The following PKD1 variants were observed in gnomAD, a reference collection of about 807,000 sequenced individuals.
The protein encoded by PKD1 is polycystin 1, transient receptor potential channel interacting.
PKD1 carries 81 observed loss-of-function variants against 361.7 expected under a neutral mutation model. The observed-to-expected ratio is 0.22, with a 90% CI of 0.19 to 0.27. The LOEUF is 0.27. PKD1 is among the 10% of genes least tolerant of loss of function. PKD1 has a pLI of 1.00. For missense variants in PKD1, 6,399 were observed against 6,118.3 expected, an observed-to-expected ratio of 1.05 and a Z score of -1.53; for synonymous variants, 3,615 against 2,818.3, an observed-to-expected ratio of 1.28 and a Z score of -8.95.
At position 2,102,799 on chromosome 16, in the gene PKD1, G is replaced by A. The variant is rs778271516; in HGVS notation, c.8948+15C>T. ...TGCCCTGCCCTGCCCTGCCAGGCTG[G>A]CCCGCAGAGCTCACCCCGGGGAAAT... is the stretch of plus-strand genomic sequence containing the variant. On this transcript the variant is annotated intron_variant, in intron 24 of 45. Transcript: ENST00000262304. 18 of 1,609,820 alleles carry A rather than the reference G, an allele frequency of 1.1e-5. No individual in the cohort carries two copies. The highest frequency in any genetic ancestry group is 1.4e-5 in the Non-Finnish European group (17 of 1,179,670).
chr16:2,091,643 G>A, intron 41 of PKD1, 46 bp from the exon 42 acceptor site: 10 of 1,557,394 alleles, frequency 6.4e-6, no homozygotes, highest in Non-Finnish European at 8.6e-6. Flanking sequence ...CAGGGCGGGA[G>A]CTGCGGGGAC....
At position 2,100,107 on chromosome 16, in the gene PKD1, C is replaced by T. The variant is rs558030334; in HGVS notation, c.9713-36G>A. 128 of 1,602,724 alleles carry T rather than the reference C, an allele frequency of 8.0e-5. No homozygotes were observed. The highest frequency in any genetic ancestry group is 6.9e-4 in the East Asian group (31 of 44,686). Reference sequence around the variant, plus strand: ...GGGAGGGCCGCACTGCAGGAGGCCACGGGGCAGGACCACCCTGCCCAACCT... The same window carrying T: ...GGGAGGGCCGCACTGCAGGAGGCCATGGGGCAGGACCACCCTGCCCAACCT... On this transcript the variant is annotated intron_variant, in intron 28 of 45. Transcript: ENST00000262304. This position sits in a 1 kb window ranked among gnomAD's most constrained non-coding sequence, Gnocchi z 4.4.
rs1174001173 is a variant in PKD1 at position 2,100,064 on chromosome 16, T to C, written c.9720A>G (p.Ala3240=). ...VEKEVLAASD[A]ALLRFRRLLV... ...GCAGGCGCCGGAAGCGCAAAAGGGC[T>C]GCGTCGCCTAGAAGGCAGGGAGGGC... Residue 3240 remains alanine (A), a synonymous_variant, in exon 29 of 46, where the codon GCA becomes GCG. Coordinates refer to ENST00000262304, the MANE Select transcript of PKD1 (RefSeq NM_001009944.3). This position sits in a 1 kb window ranked among gnomAD's most constrained non-coding sequence, Gnocchi z 4.4. The C allele has an allele frequency of 5.0e-6, 8 of 1,599,560 alleles. No individual in the cohort carries two copies. In the Admixed American group the frequency reaches 5.2e-5, roughly 10 times the overall value.
chr16:2,106,005 G>A lies in PKD1; in HGVS notation c.7723C>T (p.Pro2575Ser). Residue 2575 changes from proline to serine, a missense_variant, in exon 20 of 46, where the codon CCA becomes TCA. Physicochemically the swap from Pro to Ser is moderately conservative, Grantham distance 74. Transcript: ENST00000262304. The surrounding 1 kb of genome is among the most constrained non-coding windows in gnomAD (Gnocchi z 6.5). ...ALNRSLAITLPEPNGSATGLT... is the reference protein window; with the variant it reads ...ALNRSLAITLSEPNGSATGLT... ...CCCGTTGCGCTGCCGTTGGGCTCTG[G>A]GAGGGTGATGGCCAAAGACCTACGA... 6.2e-7 allele frequency: 1 copy of A among 1,605,526 alleles called. No individual in the cohort carries two copies. Among genetic ancestry groups the A allele is most frequent in the Admixed American group, 1.7e-5 (1 of 59,990 alleles).
intron 42 of PKD1, 24 bp from the exon 43 acceptor site, chr16:2,091,198 G>C: frequency 7.4e-7 from 1 of 1,354,338 alleles, no homozygotes; most frequent in Non-Finnish European, 9.5e-7. Flanking sequence ...GGTCAGGAGG[G>C]CGGGAGGGAC....
chr16:2,111,394 G>C lies in PKD1; in HGVS notation c.3773C>G (p.Ala1258Gly). ...GDGTVLSGPE[A>G]TVEHVYLRAQ... Reference sequence around the variant, plus strand: ...CCGCAGGTACACATGCTCCACTGTTGCCTCCGGGCCCGACAGCACGGTGCC... The same window carrying C: ...CCGCAGGTACACATGCTCCACTGTTCCCTCCGGGCCCGACAGCACGGTGCC... Residue 1258 changes from alanine (A) to glycine (G), a missense_variant, in exon 15 of 46, where the codon GCA (alanine) becomes GGA (glycine). Physicochemically the swap from Ala to Gly is moderately conservative, Grantham distance 60 (BLOSUM62 0). Transcript: ENST00000262304. The C allele has an allele frequency of 6.2e-7, 1 of 1,611,530 alleles. No individual in the cohort carries two copies. Among genetic ancestry groups the C allele is most frequent in the Non-Finnish European group, 8.5e-7 (1 of 1,179,556 alleles).
In PKD1 at chr16:2,108,714, C is replaced by T. The variant is rs2092424344; in HGVS notation, c.6453G>A (p.Val2151=). The change falls in exon 15 of 46, where the codon GTG becomes GTA. Residue 2151 remains valine, a synonymous_variant. Coordinates refer to ENST00000262304, the MANE Select transcript of PKD1 (RefSeq NM_001009944.3). ...GCACCTGCAGGGGCAGGACCACGTC[C>T]ACCTCCGGCTCCCGGCAGGCCAGCA... ...VQVLACREPE[V]DVVLPLQVLM... is the part of the protein sequence containing the mutation. 1.3e-6 allele frequency: 2 copies of T among 1,570,914 alleles called. No homozygotes were observed. Among genetic ancestry groups the T allele is most frequent in the Admixed American group, 1.8e-5 (1 of 55,418 alleles).
At chr16:2,097,555 C>G (rs1480277960) in intron 32 of PKD1, 52 bp from the exon 33 acceptor site, 1 of 1,603,846 alleles carries the variant, frequency 6.2e-7, no homozygotes, top group East Asian at 2.2e-5. Flanking sequence ...ACACACACAG[C>G]CCACCCCCGT....
rs370296304 is a variant in PKD1, at chr16:2,106,333, G to A, written c.7490-29C>T. On this transcript the variant is annotated intron_variant, in intron 18 of 45. Transcript: ENST00000262304. This position sits in a 1 kb window ranked among gnomAD's most constrained non-coding sequence, Gnocchi z 6.5. ...AGGGACGGTCCCCACGGCATCACGG[G>A]AGGGCTCCGTGACGTCACAGAGTCG... The A allele has an allele frequency of 1.0e-5, 16 of 1,602,726 alleles. No individual in the cohort carries two copies. Among genetic ancestry groups the A allele is most frequent in the Non-Finnish European group, 1.3e-5 (15 of 1,173,790 alleles).
In PKD1 at chr16:2,088,865, TCGCG is replaced by T. The variant is rs1178168657; in HGVS notation, c.*858_*861del. The T allele has an allele frequency of 1.2e-3, 623 of 526,576 alleles. 5 individuals are homozygous for T. In the African/African-American group the frequency reaches 0.014, roughly 12 times the overall value. The allele number at this position is 526,576 out of a possible 1,614,324, so 32.6% of individuals were successfully genotyped here. A position where few individuals can be genotyped will look rare whatever the true frequency, so the allele number is the denominator to read the frequency against. ...AGGCTGCCTGGGCCATACAGCACAC[TCGCG>T]CGTGCGCGCGCGCACACACACACAC... is the stretch of plus-strand genomic sequence containing the variant. On this transcript the variant is annotated 3_prime_UTR_variant, in exon 46 of 46. Coordinates refer to ENST00000262304, the MANE Select transcript of PKD1 (RefSeq NM_001009944.3).
intron 30 of PKD1, 198 bp from the exon 31 acceptor site, chr16:2,098,182 A>T: frequency 1.7e-6 from 1 of 601,114 alleles, no homozygotes; most frequent in South Asian, 2.0e-5. Flanking sequence ...TTGACAGCAG[A>T]CTGGTGCAGC....
At chr16:2,126,460 C>A (rs1474706683) in intron 1 of PKD1, among the ~76,000 whole-genome samples, 3 of 152,278 alleles carry the variant, frequency 2.0e-5, no homozygotes, top group Non-Finnish European at 4.4e-5. Flanking sequence ...AGATGTAGCC[C>A]TTCTCCTGCC....
At chr16:2,098,457 C>T (rs1287205350) in intron 30 of PKD1, among the ~76,000 whole-genome samples, 57 of 149,478 alleles carry the variant, frequency 3.8e-4, no homozygotes, top group Middle Eastern at 3.4e-3. Context: ...GTGATCTGCC[C>T]GCCTCCGCCT....
At position 2,117,499 on chromosome 16, in the gene PKD1, G is replaced by C; in HGVS notation, c.1375C>G (p.Arg459Gly). The C allele has an allele frequency of 6.5e-7, 1 of 1,547,864 alleles. No homozygotes were observed. The highest frequency in any genetic ancestry group is 8.8e-7 in the Non-Finnish European group (1 of 1,140,168). The change falls in exon 6 of 46, where the codon CGG becomes GGG. Residue 459 changes from arginine (R) to glycine (G), a missense_variant. Coordinates refer to ENST00000262304, the MANE Select transcript of PKD1 (RefSeq NM_001009944.3). ...SPAVQRFLVSRVTRSLDVWIG... is the reference protein window; with the variant it reads ...SPAVQRFLVSGVTRSLDVWIG... ...GGTGGGGGCAGGCACCTGGTGACCC[G>C]GGAGACCAGGAAGCGCTGCACGGCG...
intron 1 of PKD1, among the ~76,000 whole-genome samples, chr16:2,121,410 G>T (rs1035967336): frequency 6.6e-6 from 1 of 151,984 alleles, no homozygotes; most frequent in African/African-American, 2.4e-5. Context: ...GGGTGAGAGG[G>T]AGGGAGGAAA....
Position 2,089,855 on chromosome 16 carries a change from G to A in PKD1, c.12784C>T (p.Pro4262Ser), listed in dbSNP as rs2091385481. The A allele has an allele frequency of 6.2e-7, 1 of 1,608,258 alleles. No individual in the cohort carries two copies. ...AGTGCTGGCCGCAGGCCCGGGGATGGGCCACGGGAAGATCCGGCGGGCGCC... is the reference window on the plus strand; with the variant it reads ...AGTGCTGGCCGCAGGCCCGGGGATGAGCCACGGGAAGATCCGGCGGGCGCC... ...SRAPAGSSRG[P>S]SPGLRPALPS... is the part of the protein sequence containing the mutation. The change falls in exon 46 of 46, where the codon CCA (proline) becomes TCA (serine). Residue 4262 changes from proline to serine, a missense_variant. Pro to Ser is a moderately conservative substitution (Grantham distance 74). Coordinates refer to ENST00000262304, the MANE Select transcript of PKD1 (RefSeq NM_001009944.3).
At chr16:2,104,708 A>G in intron 21 of PKD1, 66 bp from the exon 22 acceptor site, 3 of 895,844 alleles carry the variant, frequency 3.3e-6, no homozygotes, top group Non-Finnish European at 3.5e-6. Context: ...CCTCCTCTCT[A>G]CACGGGTCCT....
intron 35 of PKD1, 32 bp from the exon 36 acceptor site, chr16:2,094,045 A>G (rs1237262806): frequency 6.3e-7 from 1 of 1,586,624 alleles, no homozygotes; most frequent in African/African-American, 1.3e-5. Context: ...TGTGAGAGGC[A>G]GCTCACAGGG....
chr16:2,134,050 C>T (rs1425116341), intron 1 of PKD1, among the ~76,000 whole-genome samples: 2 of 142,406 alleles, frequency 1.4e-5, no homozygotes, highest in African/African-American at 2.9e-5. Context: ...CCCCAGTGAC[C>T]GGCCTGGCAG....
Sources: allele counts gnomAD v4.1 joint callset (sites outside exome capture counted in the v4.1 genomes callset), GRCh38; gene constraint gnomAD v4.1.1; non-coding constraint Gnocchi (gnomAD v3.1); transcripts MANE v1.5; gene names NCBI Gene and HGNC (gene_info 2026-07-23, HGNC 2026-07-21).